The following GFRA1 variants were observed in gnomAD, a reference collection of about 807,000 sequenced individuals.
GFRA1 encodes the protein GDNF family receptor alpha-1.
GFRA1 carries 16 observed loss-of-function variants against 51.6 expected under a neutral mutation model. The ratio of observed to expected loss-of-function variants is 0.31; its 90% CI spans 0.21 to 0.47. GFRA1 has a LOEUF of 0.47. GFRA1 is among the 20% of genes least tolerant of loss of function. The pLI, the probability that GFRA1 is intolerant of heterozygous loss-of-function variation, is 1.00. For synonymous variants in GFRA1, 270 were observed against 241.3 expected (o/e 1.12, Z -1.10); for missense variants, 530 against 594.3 (o/e 0.89, Z 1.13).
chr10:116,231,586 C>A (rs1232693996), intron 4 of GFRA1, among the ~76,000 whole-genome samples: 1 of 152,010 alleles, frequency 6.6e-6, no homozygotes, highest in East Asian at 1.9e-4. Flanking sequence ...TTTCTGAATT[C>A]TACATTAGAT....
At chr10:116,230,472 C>G (rs1966606715) in intron 4 of GFRA1, among the ~76,000 whole-genome samples, 1 of 152,176 alleles carries the variant, frequency 6.6e-6, no homozygotes, top group South Asian at 2.1e-4. Context: ...ATTATCTGCT[C>G]CTCGTAAGTT....
At chr10:116,194,765 T>C (rs911123337) in intron 5 of GFRA1, among the ~76,000 whole-genome samples, 2 of 152,212 alleles carry the variant, frequency 1.3e-5, no homozygotes, top group African/African-American at 4.8e-5. Context: ...CTTTGCGCCA[T>C]TGGTCAGCTC....
intron 4 of GFRA1, among the ~76,000 whole-genome samples, chr10:116,265,269 G>A (rs1214727241): frequency 6.6e-6 from 1 of 151,968 alleles, no homozygotes; most frequent in Non-Finnish European, 1.5e-5. Flanking sequence ...CAGCAAGTCA[G>A]GATGTTCAAA....
At chr10:116,259,906 C>T (rs77239694) in intron 4 of GFRA1, among the ~76,000 whole-genome samples, 1,829 of 152,204 alleles carry the variant, frequency 0.012, 35 homozygotes, top group African/African-American at 0.043. Flanking sequence ...ACCAGAAGAA[C>T]GTAAGTCTGT....
At chr10:116,271,247 TC>T in intron 2 of GFRA1, 132 bp from the exon 3 acceptor site, 1 of 675,008 alleles carries the variant, frequency 1.5e-6, no homozygotes, top group Non-Finnish European at 2.5e-6. Flanking sequence ...TGGGAGCGGG[TC>T]CACCTCTCGA....
At chr10:116,100,428 G>A (rs956221618) in intron 6 of GFRA1, among the ~76,000 whole-genome samples, 2 of 152,176 alleles carry the variant, frequency 1.3e-5, no homozygotes, top group Non-Finnish European at 2.9e-5. Context: ...TGATGCCAGA[G>A]CCGGAGATCA....
At chr10:116,148,078 G>GCA (rs1555158857) in intron 5 of GFRA1, among the ~76,000 whole-genome samples, 66 of 36,748 alleles carry the variant, frequency 1.8e-3, no homozygotes, top group East Asian at 4.0e-3. Context: ...GTGTGTGCAT[G>GCA]TGTGTGTGTG....
chr10:116,110,578 T>G (rs1957169149), intron 6 of GFRA1, among the ~76,000 whole-genome samples: 1 of 152,304 alleles, frequency 6.6e-6, no homozygotes, highest in African/African-American at 2.4e-5. Flanking sequence ...GAGAGAGTTC[T>G]CAGCCCAAGG....
At chr10:116,116,212 A>C (rs935076872) in intron 6 of GFRA1, among the ~76,000 whole-genome samples, 5 of 152,186 alleles carry the variant, frequency 3.3e-5, no homozygotes, top group African/African-American at 4.8e-5. Flanking sequence ...CTCCTACCTC[A>C]GCCTCTGGAG....
intron 4 of GFRA1, among the ~76,000 whole-genome samples, chr10:116,251,361 C>T (rs1968343390): frequency 6.6e-6 from 1 of 152,150 alleles, no homozygotes; most frequent in Non-Finnish European, 1.5e-5. Context: ...GGGAGATCAT[C>T]CACCATAGCA....
chr10:116,134,302 A>G (rs1958228058), intron 5 of GFRA1, among the ~76,000 whole-genome samples: 1 of 152,214 alleles, frequency 6.6e-6, no homozygotes, highest in Admixed American at 6.5e-5. Context: ...CTATGTTAAT[A>G]TAACTACTGT....
At chr10:116,089,331 A>G in intron 9 of GFRA1, among the ~76,000 whole-genome samples, 1 of 152,218 alleles carries the variant, frequency 6.6e-6, no homozygotes, top group East Asian at 1.9e-4. Context: ...ACTCCATGCC[A>G]TGTGATGATG....
intron 4 of GFRA1, among the ~76,000 whole-genome samples, chr10:116,237,088 G>A (rs1050123240): frequency 1.3e-5 from 2 of 152,128 alleles, no homozygotes; most frequent in African/African-American, 4.8e-5. Flanking sequence ...TTCCCACACT[G>A]CCTTCACATA....
Position 116,061,595 on chromosome 10 carries a change from G to A in GFRA1, c.*2803C>T, listed in dbSNP as rs1954820349. On this transcript the variant is annotated 3_prime_UTR_variant, in exon 11 of 11. Transcript: ENST00000355422. Reference sequence around the variant, plus strand: ...GTAGGGCATGGCTAGATGTAATCAGGGAGTCACGGTCTGCATGGACCCTAG... The same window carrying A: ...GTAGGGCATGGCTAGATGTAATCAGAGAGTCACGGTCTGCATGGACCCTAG... The A allele has an allele frequency of 6.1e-6, 1 of 164,088 alleles. No homozygotes were observed. The highest frequency in any genetic ancestry group is 2.0e-4 in the South Asian group (1 of 4,920). 10.2% of individuals were successfully genotyped at this position (164,088 alleles called of 1,614,324 possible).
rs1320794856 is a variant in GFRA1, at chr10:116,059,911, A to G, written c.*4487T>C. The G allele has an allele frequency of 6.6e-6, 1 of 152,196 alleles. No individual in the cohort carries two copies. The highest frequency in any genetic ancestry group is 2.4e-5 in the African/African-American group (1 of 41,456). 9.4% of individuals were successfully genotyped at this position (152,196 alleles called of 1,614,324 possible). A position where few individuals can be genotyped will look rare whatever the true frequency, so the allele number is the denominator to read the frequency against. The stretch of plus-strand genomic sequence containing the variant: ...GTCTTAAAATATATCTGTTGGAACA[A>G]AAATTAATTTGGGTCAAACTAAATT... On this transcript the variant is annotated 3_prime_UTR_variant, in exon 11 of 11. Transcript: ENST00000355422.
In GFRA1 at chr10:116,244,531, A is replaced by G. The variant is rs992594746; in HGVS notation, c.418+24972T>C. ...ATATATAAAAATATATAAAGTTCCTATAAAAATATATAGGAATTCTAAAAC... is the reference window on the plus strand; with the variant it reads ...ATATATAAAAATATATAAAGTTCCTGTAAAAATATATAGGAATTCTAAAAC... On this transcript the variant is annotated intron_variant, in intron 4 of 10. Coordinates refer to ENST00000355422, the MANE Select transcript of GFRA1 (RefSeq NM_005264.8). Among the ~76,000 whole-genome samples the G allele has an allele frequency of 1.7e-4, 25 of 149,028 alleles. 1 individual carries two copies. The highest frequency in any genetic ancestry group is 3.4e-4 in the Non-Finnish European group (23 of 67,328).
chr10:116,077,819 C>T (rs1378677062), intron 9 of GFRA1, among the ~76,000 whole-genome samples: 2 of 152,182 alleles, frequency 1.3e-5, no homozygotes, highest in Admixed American at 6.5e-5. Flanking sequence ...ACAGCTTGTC[C>T]TCCATGGCAG....
At chr10:116,085,695 C>A (rs1480872114) in intron 9 of GFRA1, among the ~76,000 whole-genome samples, 3 of 152,158 alleles carry the variant, frequency 2.0e-5, no homozygotes, top group African/African-American at 4.8e-5. Context: ...CTCATCCCCC[C>A]CATCCTCTAG....
intron 4 of GFRA1, among the ~76,000 whole-genome samples, chr10:116,213,107 T>C (rs1052108122): frequency 6.6e-6 from 1 of 152,184 alleles, no homozygotes; most frequent in Admixed American, 6.5e-5. Flanking sequence ...GATAGTTTGA[T>C]GGTATATAAA....
Sources: gnomAD v4.1 joint callset for allele counts (sites outside exome capture counted in the v4.1 genomes callset) on GRCh38, gnomAD v4.1.1 for gene constraint, MANE v1.5 for transcripts, NCBI Gene and HGNC (gene_info 2026-07-23, HGNC 2026-07-21) for gene names.